TMEM223: variants seen among roughly 807,000 people sequenced by gnomAD.
TMEM223 encodes transmembrane protein 223.
In TMEM223, 14 loss-of-function variants were observed where a neutral mutation model predicts 14.1. The observed-to-expected ratio is 0.99, with a 90% CI of 0.66 to 1.55. TMEM223 has a LOEUF of 1.55. TMEM223 is among the 40% of genes most tolerant of loss of function. The probability of loss-of-function intolerance (pLI) is 0.00; values close to 1 mark genes in which losing one functional copy is unlikely to be tolerated. For synonymous variants in TMEM223, 145 were observed against 120.5 expected (o/e 1.20, Z -1.33); for missense variants, 346 against 269.9 (o/e 1.28, Z -1.97).
rs2084355027 is a variant in TMEM223, at chr11:62,791,011, AAGT to A, written c.317-99_317-97del. 20 of 1,351,620 alleles carry A rather than the reference AAGT, an allele frequency of 1.5e-5. No individual in the cohort carries two copies. In the South Asian group the frequency reaches 3.0e-4, roughly 20 times the overall value. The allele number at this position is 1,351,620 out of a possible 1,614,324, so 83.7% of individuals were successfully genotyped here. A position where few individuals can be genotyped will look rare whatever the true frequency, so the allele number is the denominator to read the frequency against. ...TCTGAATAAGAAATTTGTGGGATGAAAGTAGTATTTACTGAGCGCTTTTTTTTT... is the reference window on the plus strand; with the variant it reads ...TCTGAATAAGAAATTTGTGGGATGAAAGTATTTACTGAGCGCTTTTTTTTT... On this transcript the variant is annotated intron_variant, in intron 1 of 1. Coordinates refer to ENST00000307366, the MANE Select transcript of TMEM223 (RefSeq NM_001080501.3).
At chr11:62,778,251 G>A (rs200806239) in intron 1 of TMEM223, 15 of 1,613,928 alleles carry the variant, frequency 9.3e-6, no homozygotes, top group Admixed American at 3.3e-5. Flanking sequence ...GGGGCAAAAC[G>A]CCAGGCTGAC....
chr11:62,791,636 G>A (rs1225924063), intron 1 of TMEM223, 43 bp downstream of exon 1: 2 of 1,482,394 alleles, frequency 1.3e-6, no homozygotes, highest in African/African-American at 1.4e-5. Context: ...GTCGTGTCCC[G>A]CCACCCCACG....
At chr11:62,778,416 G>T (rs2084203138) in intron 1 of TMEM223, 1 of 1,523,326 alleles carries the variant, frequency 6.6e-7, no homozygotes, top group African/African-American at 1.4e-5. Context: ...GTGCCCCCGA[G>T]TCTGCGTCTA....
At chr11:62,789,132 C>T, downstream of TMEM223, 1 of 1,614,202 alleles carries the variant, frequency 6.2e-7, no homozygotes, top group African/African-American at 1.3e-5. Context: ...GTAGCTGGGG[C>T]CTCTGGCCTC....
downstream of TMEM223, chr11:62,787,845 C>T (rs1248718427): frequency 3.1e-6 from 2 of 640,534 alleles, no homozygotes; most frequent in Non-Finnish European, 2.9e-6. Context: ...AGTGCAGAAC[C>T]TGCGTCCATC....
At chr11:62,787,515 G>T, downstream of TMEM223, 1 of 1,575,766 alleles carries the variant, frequency 6.3e-7, no homozygotes, top group South Asian at 1.1e-5. Flanking sequence ...CCGCGGCGAT[G>T]ACTCGGACCC....
At chr11:62,789,530 G>A (rs145466760), downstream of TMEM223, 78 of 1,580,348 alleles carry the variant, frequency 4.9e-5, 1 homozygote, top group East Asian at 1.7e-3. Context: ...CAACTCACAG[G>A]GCACTGGGCA....
downstream of TMEM223, among the ~76,000 whole-genome samples, chr11:62,783,481 CAAA>C (rs1038569482): frequency 2.8e-5 from 2 of 72,284 alleles, no homozygotes; most frequent in Admixed American, 1.5e-4. Flanking sequence ...GACTCTGTCT[CAAA>C]AAAAAAAAAA....
At chr11:62,778,408 GCCC>G (rs1260540615) in intron 1 of TMEM223, 10 of 1,560,562 alleles carry the variant, frequency 6.4e-6, no homozygotes, top group Non-Finnish European at 8.8e-6. Flanking sequence ...GTGCCTATGT[GCCC>G]CCGAGTCTGC....
At chr11:62,786,781 T>C (rs761575075), downstream of TMEM223, 21 of 1,611,850 alleles carry the variant, frequency 1.3e-5, no homozygotes, top group East Asian at 4.2e-4. Flanking sequence ...CGGTGACAGC[T>C]TGGCCACACG....
chr11:62,774,467 G>T (rs1311664266), intron 2 of TMEM223: 6 of 415,280 alleles, frequency 1.4e-5, no homozygotes, highest in Non-Finnish European at 2.9e-5. Flanking sequence ...GTAGGGACCT[G>T]GACGTCACTG....
At chr11:62,775,742 C>G (rs2084182107) in intron 1 of TMEM223, 1 of 1,577,486 alleles carries the variant, frequency 6.3e-7, no homozygotes, top group Non-Finnish European at 8.6e-7. Flanking sequence ...GGCTGGGCAG[C>G]TTTTCCAGTC....
chr11:62,789,044 C>A (rs370527683), downstream of TMEM223: 1 of 1,613,878 alleles, frequency 6.2e-7, no homozygotes, highest in Non-Finnish European at 8.5e-7. Flanking sequence ...TGGTAGATGT[C>A]CCCTGTATGG....
chr11:62,789,795 T>C (rs766406677), downstream of TMEM223: 1 of 1,539,314 alleles, frequency 6.5e-7, no homozygotes, highest in East Asian at 2.3e-5. Flanking sequence ...GTTGTCAGCT[T>C]AAAATTCAGC....
At chr11:62,789,893 C>T, downstream of TMEM223, 4 of 1,613,380 alleles carry the variant, frequency 2.5e-6, no homozygotes, top group Non-Finnish European at 3.4e-6. Context: ...CAGACCTCTT[C>T]TTGGGTGAAT....
chr11:62,778,820 A>G (rs895615422), intron 1 of TMEM223: 4 of 1,524,286 alleles, frequency 2.6e-6, no homozygotes, highest in Non-Finnish European at 2.7e-6. Flanking sequence ...AGAGGCCAGG[A>G]GAGGGCCAGC....
downstream of TMEM223, among the ~76,000 whole-genome samples, chr11:62,784,933 A>G (rs2084259046): frequency 6.6e-6 from 1 of 152,160 alleles, no homozygotes; most frequent in African/African-American, 2.4e-5. Context: ...TCAGGGTTAT[A>G]CTGGCCTTAC....
chr11:62,772,072 C>G lies in TMEM223; in HGVS notation c.*34G>C, dbSNP rs1185597053. On this transcript the variant is annotated 3_prime_UTR_variant, in exon 3 of 3. Transcript: ENST00000528367. Reference sequence around the variant, plus strand: ...GCTCCCCCTCCCTACTTACTCAGTGCTTACTTCATGATCTTGGAGAAGTCA... The same window carrying G: ...GCTCCCCCTCCCTACTTACTCAGTGGTTACTTCATGATCTTGGAGAAGTCA... The G allele has an allele frequency of 1.1e-5, 5 of 455,978 alleles. No homozygotes were observed. In the Admixed American group the frequency reaches 1.2e-4, roughly 11 times the overall value. The allele number at this position is 455,978 out of a possible 1,614,324, so 28.2% of individuals were successfully genotyped here.
At chr11:62,785,959 G>GT (rs1163375946), downstream of TMEM223, 2 of 252,768 alleles carry the variant, frequency 7.9e-6, no homozygotes, top group African/African-American at 4.4e-5. Flanking sequence ...ATTGTATAGG[G>GT]TAGCAGTATG....
Sources: allele counts gnomAD v4.1 joint callset (sites outside exome capture counted in the v4.1 genomes callset), GRCh38; gene constraint gnomAD v4.1.1; transcripts MANE v1.5; gene names NCBI Gene and HGNC (gene_info 2026-07-23, HGNC 2026-07-21).